The following NBPF11 variants were observed in gnomAD, a reference collection of about 807,000 sequenced individuals.
NBPF11 encodes NBPF member 11, also known as NBPF family member NBPF11.
In NBPF11, 72 loss-of-function variants were observed where a neutral mutation model predicts 93.9. That is an observed-to-expected ratio of 0.77 (90% CI 0.63 to 0.93). The LOEUF is 0.93. NBPF11 is among the 40% of genes least tolerant of loss of function. NBPF11 has a pLI of 0.00. For synonymous variants in NBPF11, 224 were observed against 304.9 expected (o/e 0.73, Z 2.76); for missense variants, 705 against 802.2 (o/e 0.88, Z 1.46).
At chr1:148,108,842 GAC>G (rs71270029) in intron 17 of NBPF11, among the ~76,000 whole-genome samples, 188 bp from the exon 18 acceptor site, 8,561 of 110,676 alleles carry the variant, frequency 0.077, 158 homozygotes, top group Middle Eastern at 0.12. Context: ...GAAAGAGAAA[GAC>G]ACACACACAC....
At chr1:148,130,530 T>C (rs1375921753) in intron 4 of NBPF11, among the ~76,000 whole-genome samples, 2 of 151,888 alleles carry the variant, frequency 1.3e-5, no homozygotes, top group Admixed American at 1.3e-4. Context: ...CTTCATTGCA[T>C]GTATTGTTAA....
At chr1:148,123,353 G>C (rs1424018745) in intron 7 of NBPF11, among the ~76,000 whole-genome samples, 2 of 152,212 alleles carry the variant, frequency 1.3e-5, no homozygotes, top group Admixed American at 6.5e-5. Context: ...CACGGAGAGG[G>C]GCTTCATCTC....
chr1:148,111,381 C>T (rs1424505431), intron 15 of NBPF11, among the ~76,000 whole-genome samples: 1 of 152,028 alleles, frequency 6.6e-6, no homozygotes, highest in Non-Finnish European at 1.5e-5. Context: ...AGCAATGGAA[C>T]AAAGCAGGAT....
chr1:148,115,740 T>C, intron 14 of NBPF11, 53 bp downstream of exon 14: 1 of 1,382,120 alleles, frequency 7.2e-7, no homozygotes, highest in Non-Finnish European at 1.0e-6. Context: ...TCTTCAGAGT[T>C]TATCTTCCTC....
intron 1 of NBPF11, chr1:148,149,500 C>T: frequency 1.9e-6 from 3 of 1,593,292 alleles, no homozygotes; most frequent in Non-Finnish European, 2.5e-6. Context: ...ACATCGAGCT[C>T]TACAGCCAGT....
intron 15 of NBPF11, among the ~76,000 whole-genome samples, chr1:148,113,084 ACAT>A (rs1665686364): frequency 1.3e-5 from 2 of 152,052 alleles, no homozygotes; most frequent in Non-Finnish European, 2.9e-5. Flanking sequence ...TAACCAGCAA[ACAT>A]CATAACGACA....
At chr1:148,123,119 G>T (rs1303010218) in intron 7 of NBPF11, among the ~76,000 whole-genome samples, 3 of 151,980 alleles carry the variant, frequency 2.0e-5, no homozygotes, top group Admixed American at 2.0e-4. Context: ...CTGATTCCCA[G>T]GAACAGGCTT....
rs1249401071 is a variant in NBPF11 at position 148,121,221 on chromosome 1, T to C, written c.779-511A>G. Reference sequence around the variant, plus strand: ...TAACATGACAGCTAATTTTTGTATTTTTAGTAGAGATGGGGTTTCGCCATC... The same window carrying C: ...TAACATGACAGCTAATTTTTGTATTCTTAGTAGAGATGGGGTTTCGCCATC... On this transcript the variant is annotated intron_variant, in intron 9 of 23. Transcript: ENST00000682118. Among the ~76,000 whole-genome samples, 16 of 151,804 alleles carry C rather than the reference T, an allele frequency of 1.1e-4. No homozygotes were observed. In the South Asian group the frequency reaches 2.7e-3, roughly 26 times the overall value.
At chr1:148,120,766 G>A in intron 9 of NBPF11, 56 bp from the exon 10 acceptor site, 1 of 1,232,326 alleles carries the variant, frequency 8.1e-7, no homozygotes, top group Non-Finnish European at 1.2e-6. Flanking sequence ...AATCAAATAG[G>A]CTTAATCAGG....
chr1:148,132,358 T>A (rs1470708107), intron 4 of NBPF11, among the ~76,000 whole-genome samples: 5 of 145,006 alleles, frequency 3.4e-5, no homozygotes, highest in Admixed American at 2.8e-4. Context: ...ATATTCTATT[T>A]TTTTTTTTCA....
chr1:148,148,007 G>A (rs1339236537), intron 1 of NBPF11, among the ~76,000 whole-genome samples: 25 of 152,194 alleles, frequency 1.6e-4, no homozygotes, highest in African/African-American at 3.1e-4. Flanking sequence ...GATGTGTCCC[G>A]TTCGTTTGAG....
In NBPF11 at chr1:148,144,618, A is replaced by T. The variant is rs1378533371; in HGVS notation, c.-548-932T>A. On this transcript the variant is annotated intron_variant, in intron 1 of 23. Coordinates refer to ENST00000682118, the MANE Select transcript of NBPF11 (RefSeq NM_001385469.3). ...AATAACAATAATGAATACTATATTT[A>T]CAAATAATAGCTGTAAGAGATTTTA... Among the ~76,000 whole-genome samples, 3 of 152,156 alleles carry T rather than the reference A, an allele frequency of 2.0e-5. No homozygotes were observed. In the South Asian group the frequency reaches 6.2e-4, roughly 32 times the overall value.
chr1:148,104,035 G>A, intron 23 of NBPF11, 123 bp from the exon 24 acceptor site: 4 of 1,594,174 alleles, frequency 2.5e-6, no homozygotes, highest in Middle Eastern at 2.3e-4. Context: ...CCATTAATGA[G>A]GTAACAAATT....
chr1:148,132,132 A>ATATG (rs1553274549), intron 4 of NBPF11, among the ~76,000 whole-genome samples: 39 of 142,004 alleles, frequency 2.7e-4, no homozygotes, highest in Non-Finnish European at 4.5e-4. Flanking sequence ...CAATATATAT[A>ATATG]TGTGTGTGTG....
intron 15 of NBPF11, among the ~76,000 whole-genome samples, chr1:148,112,190 C>G (rs1454080092): frequency 0.08 from 10,688 of 133,834 alleles, 536 homozygotes; most frequent in East Asian, 0.18. Flanking sequence ...TCTTAGGGTA[C>G]ACGTGCACAA....
At chr1:148,108,283 G>C (rs1172630003) in intron 18 of NBPF11, among the ~76,000 whole-genome samples, 199 bp downstream of exon 18, 5 of 151,832 alleles carry the variant, frequency 3.3e-5, no homozygotes, top group Admixed American at 2.0e-4. Context: ...CCTGAGACTA[G>C]GAAGAGAGCC....
intron 6 of NBPF11, among the ~76,000 whole-genome samples, chr1:148,124,531 A>G (rs1668631306): frequency 6.6e-6 from 1 of 151,254 alleles, no homozygotes; most frequent in Non-Finnish European, 1.5e-5. Flanking sequence ...TGAGTGAAAG[A>G]ATGAGAAGAC....
chr1:148,113,271 G>A (rs1477446387), intron 15 of NBPF11, among the ~76,000 whole-genome samples: 3 of 151,932 alleles, frequency 2.0e-5, no homozygotes, highest in Non-Finnish European at 4.4e-5. Context: ...AGGGATGGAG[G>A]AAGATCTACC....
At chr1:148,146,135 G>T (rs1193311655) in intron 1 of NBPF11, among the ~76,000 whole-genome samples, 119 of 151,848 alleles carry the variant, frequency 7.8e-4, no homozygotes, top group South Asian at 1.5e-3. Context: ...CGGCCCTGGG[G>T]CCCGGGGGCG....
Sources: allele counts gnomAD v4.1 joint callset (sites outside exome capture counted in the v4.1 genomes callset), GRCh38; gene constraint gnomAD v4.1.1; transcripts MANE v1.5; gene names NCBI Gene and HGNC (gene_info 2026-07-23, HGNC 2026-07-21).